DSCAM: variants seen among roughly 807,000 people sequenced by gnomAD.
DSCAM encodes the protein cell adhesion molecule DSCAM.
Under a neutral mutation model 217.7 loss-of-function variants are expected in DSCAM, and 47 were observed. That is an observed-to-expected ratio of 0.22 (90% CI 0.17 to 0.28). DSCAM has a LOEUF of 0.28. DSCAM is among the 10% of genes least tolerant of loss of function. The pLI is 1.00. For synonymous variants in DSCAM, 1,056 were observed against 1,015.3 expected, an observed-to-expected ratio of 1.04 and a Z score of -0.76; for missense variants, 2,080 against 2,618.3, an observed-to-expected ratio of 0.79 and a Z score of 4.49.
rs551015979 is a variant in DSCAM at position 40,475,640 on chromosome 21, G to A, written c.509-106395C>T. On this transcript the variant is annotated intron_variant, in intron 3 of 32. Transcript: ENST00000400454. ...AAGGTCAGGAGTTCAAGACCAGCCT[G>A]ACCAACATGGTGAGACCCCATCTCT... Among the ~76,000 whole-genome samples, 11 of 152,276 alleles carry A rather than the reference G, an allele frequency of 7.2e-5. No individual in the cohort carries two copies. The South Asian group carries it at 2.1e-3, about 29-fold the overall frequency.
chr21:40,490,502 G>A (rs1447448555), intron 3 of DSCAM, among the ~76,000 whole-genome samples: 7 of 152,102 alleles, frequency 4.6e-5, no homozygotes, highest in African/African-American at 1.4e-4. Context: ...TCTCCATGCA[G>A]GAATCAGGTA....
chr21:40,579,796 A>C (rs1293773544), intron 3 of DSCAM, among the ~76,000 whole-genome samples: 2 of 151,830 alleles, frequency 1.3e-5, no homozygotes, highest in Non-Finnish European at 2.9e-5. Flanking sequence ...AGATATAAGA[A>C]TAAAAGAATG....
chr21:40,559,780 TTC>T (rs1002851771), intron 3 of DSCAM, among the ~76,000 whole-genome samples: 5 of 141,692 alleles, frequency 3.5e-5, no homozygotes, highest in Non-Finnish European at 7.6e-5. Flanking sequence ...TTTTAAAATT[TTC>T]TGTCTTTTTT....
intron 3 of DSCAM, among the ~76,000 whole-genome samples, chr21:40,584,732 T>C (rs1415901316): frequency 1.3e-5 from 2 of 152,116 alleles, no homozygotes; most frequent in African/African-American, 4.8e-5. Flanking sequence ...CAGGAAGCGC[T>C]GTAGGTGGGA....
At chr21:40,683,368 A>G (rs1241239461) in intron 3 of DSCAM, among the ~76,000 whole-genome samples, 1 of 152,192 alleles carries the variant, frequency 6.6e-6, no homozygotes, top group Non-Finnish European at 1.5e-5. Context: ...ACTACTATAA[A>G]CTATTATCTC....
intron 10 of DSCAM, among the ~76,000 whole-genome samples, chr21:40,293,761 G>T (rs1041452840): frequency 6.6e-6 from 1 of 152,068 alleles, no homozygotes; most frequent in Admixed American, 6.6e-5. Context: ...GGAGGCGGAG[G>T]TTGCAGTGAG....
At chr21:40,698,346 A>T (rs113483369) in intron 2 of DSCAM, among the ~76,000 whole-genome samples, 79 of 152,310 alleles carry the variant, frequency 5.2e-4, no homozygotes, top group African/African-American at 1.8e-3. Context: ...GTCAGCCCAT[A>T]AAAGGGAAGA....
At chr21:40,250,170 A>G (rs1295833725) in intron 11 of DSCAM, among the ~76,000 whole-genome samples, 1 of 152,114 alleles carries the variant, frequency 6.6e-6, no homozygotes, top group East Asian at 1.9e-4. Flanking sequence ...ATGACCTATG[A>G]CGGTTTGGGG....
chr21:40,032,263 T>TGC (rs2088540860), intron 32 of DSCAM, among the ~76,000 whole-genome samples: 1 of 152,178 alleles, frequency 6.6e-6, no homozygotes, highest in Non-Finnish European at 1.5e-5. Flanking sequence ...CCAAAACCAC[T>TGC]GCTAAGTTCT....
At chr21:40,429,288 C>T (rs532727883) in intron 3 of DSCAM, among the ~76,000 whole-genome samples, 5 of 150,228 alleles carry the variant, frequency 3.3e-5, no homozygotes, top group Non-Finnish European at 7.4e-5. Flanking sequence ...TTTTTGGAGA[C>T]AGAGTTTCAC....
At chr21:40,355,848 T>C (rs1326715302) in intron 4 of DSCAM, among the ~76,000 whole-genome samples, 1 of 152,234 alleles carries the variant, frequency 6.6e-6, no homozygotes, top group African/African-American at 2.4e-5. Context: ...TCTCTGAGTT[T>C]GACTTTTTTA....
At chr21:40,801,488 A>T (rs1276555301) in intron 1 of DSCAM, among the ~76,000 whole-genome samples, 1 of 152,180 alleles carries the variant, frequency 6.6e-6, no homozygotes, top group Non-Finnish European at 1.5e-5. Flanking sequence ...CAGAAAAAAG[A>T]GATCCTGAAG....
At chr21:40,499,859 C>A (rs183281516) in intron 3 of DSCAM, among the ~76,000 whole-genome samples, 2 of 152,268 alleles carry the variant, frequency 1.3e-5, no homozygotes, top group Admixed American at 1.3e-4. Context: ...CGGCTCACTG[C>A]AATCTTTGCC....
At chr21:40,181,644 AC>A (rs2090802756) in intron 14 of DSCAM, among the ~76,000 whole-genome samples, 1 of 151,158 alleles carries the variant, frequency 6.6e-6, no homozygotes, top group Non-Finnish European at 1.5e-5. Context: ...CTCTCTGAAA[AC>A]ACCTAATAAG....
At chr21:40,493,289 A>C (rs1048378632) in intron 3 of DSCAM, among the ~76,000 whole-genome samples, 2 of 152,222 alleles carry the variant, frequency 1.3e-5, no homozygotes, top group African/African-American at 4.8e-5. Context: ...ATAAAGCTGA[A>C]GTAGTTCATC....
chr21:40,210,819 A>G (rs2091174732), intron 11 of DSCAM, among the ~76,000 whole-genome samples: 1 of 152,210 alleles, frequency 6.6e-6, no homozygotes, highest in Non-Finnish European at 1.5e-5. Context: ...TGCTGGGTTT[A>G]CAGGCATGAG....
At chr21:40,310,756 A>G (rs1233414814) in intron 9 of DSCAM, among the ~76,000 whole-genome samples, 2 of 152,218 alleles carry the variant, frequency 1.3e-5, no homozygotes, top group African/African-American at 2.4e-5. Flanking sequence ...AACTCTGCTT[A>G]TAAGAAAACG....
In DSCAM at chr21:40,052,082, C is replaced by T. The variant is rs201457318; in HGVS notation, c.5061G>A (p.Thr1687=). Residue 1687 remains threonine (T), a synonymous_variant, in exon 30 of 33, where the codon ACG becomes ACA. Coordinates refer to ENST00000400454, the MANE Select transcript of DSCAM (RefSeq NM_001389.5). ...TIDDRSTVLL[T]DADFGEAAKQ... ...TAGCTGCCTCTCCAAAGTCAGCATCCGTCAACAGAACCGTGGAGCGATCAT... is the reference window on the plus strand; with the variant it reads ...TAGCTGCCTCTCCAAAGTCAGCATCTGTCAACAGAACCGTGGAGCGATCAT... 5 of 1,614,050 alleles carry T rather than the reference C, an allele frequency of 3.1e-6. No individual in the cohort carries two copies. The highest frequency in any genetic ancestry group is 1.7e-5 in the Admixed American group (1 of 60,010).
At position 40,012,909 on chromosome 21, in the gene DSCAM, T is replaced by C. The variant is rs1235492788; in HGVS notation, c.*125A>G. The C allele has an allele frequency of 1.5e-4, 109 of 722,576 alleles. 1 individual carries two copies. The highest frequency in any genetic ancestry group is 4.4e-4 in the Middle Eastern group (1 of 2,274). The allele number at this position is 722,576 out of a possible 1,614,324, so 44.8% of individuals were successfully genotyped here. ...TGTCTGTGGTTTCAGTATTTTCTCT[T>C]TTTTTTTTTTAATATATTTTGGCAA... On this transcript the variant is annotated 3_prime_UTR_variant, in exon 33 of 33. Transcript: ENST00000400454.
Sources: allele counts gnomAD v4.1 joint callset (sites outside exome capture counted in the v4.1 genomes callset), GRCh38; gene constraint gnomAD v4.1.1; transcripts MANE v1.5; gene names NCBI Gene and HGNC (gene_info 2026-07-23, HGNC 2026-07-21).